HPSE2: variants seen among roughly 807,000 people sequenced by gnomAD.
The protein encoded by HPSE2 is inactive heparanase-2.
In HPSE2, 38 loss-of-function variants were observed where a neutral mutation model predicts 60.5. That is an observed-to-expected ratio of 0.63 (90% CI 0.48 to 0.82). The LOEUF (loss-of-function observed/expected upper bound fraction) is 0.82. Ranked by LOEUF, HPSE2 falls within the 40% of genes least tolerant of loss-of-function variation. The pLI, the probability that HPSE2 is intolerant of heterozygous loss-of-function variation, is 0.00. For synonymous variants in HPSE2, 295 were observed against 293.2 expected, an observed-to-expected ratio of 1.01 and a Z score of -0.06; for missense variants, 713 against 740.4, an observed-to-expected ratio of 0.96 and a Z score of 0.43.
At chr10:99,066,896 C>T (rs2135537392) in intron 3 of HPSE2, among the ~76,000 whole-genome samples, 1 of 152,224 alleles carries the variant, frequency 6.6e-6, no homozygotes, top group South Asian at 2.1e-4. Context: ...AAAGTCTCAA[C>T]TGAGACAAGG....
At chr10:98,761,323 A>G (rs560232854) in intron 3 of HPSE2, among the ~76,000 whole-genome samples, 5 of 152,280 alleles carry the variant, frequency 3.3e-5, no homozygotes, top group Admixed American at 3.3e-4. Flanking sequence ...AGATAACATC[A>G]ACAAAGCAAC....
chr10:99,307,651 T>C, the HPSE2 span, among the ~76,000 whole-genome samples: 1 of 152,200 alleles, frequency 6.6e-6, no homozygotes, highest in Non-Finnish European at 1.5e-5. Flanking sequence ...GGCACCCCCA[T>C]GGCACAGCCA....
chr10:98,551,329 C>T (rs1455792307), intron 9 of HPSE2, among the ~76,000 whole-genome samples: 1 of 152,130 alleles, frequency 6.6e-6, no homozygotes, highest in East Asian at 1.9e-4. Context: ...GGAATGAAGA[C>T]GTGGACTATG....
intron 3 of HPSE2, among the ~76,000 whole-genome samples, chr10:98,748,301 G>A (rs967821223): frequency 1.1e-4 from 17 of 151,994 alleles, no homozygotes; most frequent in African/African-American, 2.9e-4. Context: ...GTGAAAATCC[G>A]TCTCAAAAAA....
intron 3 of HPSE2, among the ~76,000 whole-genome samples, chr10:98,871,205 A>G (rs972127080): frequency 2.0e-5 from 3 of 152,154 alleles, no homozygotes; most frequent in Non-Finnish European, 4.4e-5. Context: ...ATAGATGCTC[A>G]ATAAATGGAT....
At chr10:98,720,568 A>G (rs1948898107) in intron 5 of HPSE2, among the ~76,000 whole-genome samples, 1 of 152,310 alleles carries the variant, frequency 6.6e-6, no homozygotes, top group Admixed American at 6.5e-5. Flanking sequence ...CAACAAATAT[A>G]AAAGCCATAA....
chr10:99,171,542 C>T (rs140396922), intron 2 of HPSE2, among the ~76,000 whole-genome samples: 19 of 152,116 alleles, frequency 1.2e-4, no homozygotes, highest in African/African-American at 3.6e-4. Flanking sequence ...ATCAAGAGGA[C>T]CCTAAAAAAA....
At chr10:98,611,403 G>A (rs1565014081) in intron 9 of HPSE2, among the ~76,000 whole-genome samples, 1 of 152,086 alleles carries the variant, frequency 6.6e-6, no homozygotes. Context: ...ATGGGATATG[G>A]GTTGAAGAGC....
the HPSE2 span, among the ~76,000 whole-genome samples, chr10:99,256,879 C>G: frequency 2.6e-5 from 4 of 152,184 alleles, no homozygotes; most frequent in Non-Finnish European, 5.9e-5. Context: ...TGGTGATACC[C>G]TGTCTGTTGT....
chr10:98,494,757 A>C (rs1346103799), intron 9 of HPSE2, among the ~76,000 whole-genome samples: 1 of 152,198 alleles, frequency 6.6e-6, no homozygotes, highest in African/African-American at 2.4e-5. Flanking sequence ...TCTTTTAAAT[A>C]CATTATTCTC....
At chr10:98,796,024 C>T (rs1029191505) in intron 3 of HPSE2, among the ~76,000 whole-genome samples, 1 of 151,942 alleles carries the variant, frequency 6.6e-6, no homozygotes, top group Admixed American at 6.6e-5. Context: ...ACCAATGATA[C>T]CCAAGTAGTA....
chr10:99,153,962 C>A (rs1846404333), intron 2 of HPSE2, among the ~76,000 whole-genome samples: 1 of 151,918 alleles, frequency 6.6e-6, no homozygotes, highest in Non-Finnish European at 1.5e-5. Flanking sequence ...AATGCAGAAG[C>A]CTCAGGAGCT....
intron 2 of HPSE2, among the ~76,000 whole-genome samples, chr10:99,199,258 T>C (rs986239261): frequency 6.6e-6 from 1 of 152,154 alleles, no homozygotes; most frequent in Non-Finnish European, 1.5e-5. Context: ...CTGTTTTACA[T>C]AGTGGCTGCA....
intron 4 of HPSE2, among the ~76,000 whole-genome samples, chr10:98,730,585 G>A (rs908400927): frequency 6.6e-6 from 1 of 151,496 alleles, no homozygotes; most frequent in Non-Finnish European, 1.5e-5. Context: ...ACTGACCACC[G>A]AAAAAAGAGA....
At chr10:98,520,780 C>T (rs557480137) in intron 9 of HPSE2, among the ~76,000 whole-genome samples, 1 of 152,218 alleles carries the variant, frequency 6.6e-6, no homozygotes, top group Middle Eastern at 3.4e-3. Context: ...GGTACTGGTA[C>T]CAAAACAGAT....
At chr10:98,590,192 CA>C (rs1945050558) in intron 9 of HPSE2, among the ~76,000 whole-genome samples, 1 of 152,220 alleles carries the variant, frequency 6.6e-6, no homozygotes, top group Admixed American at 6.5e-5. Flanking sequence ...CCTGCAATCC[CA>C]GCACTTTGGG....
the HPSE2 span, among the ~76,000 whole-genome samples, chr10:99,279,467 A>T: frequency 1.3e-5 from 2 of 152,352 alleles, no homozygotes; most frequent in Admixed American, 1.3e-4. Flanking sequence ...AGATTCCTAA[A>T]TTGTAAATAA....
rs1944527669 is a variant in HPSE2 at position 98,572,564 on chromosome 10, C to T, written c.1320+42340G>A. Among the ~76,000 whole-genome samples the T allele has an allele frequency of 2.0e-5, 3 of 152,168 alleles. No individual in the cohort carries two copies. In the South Asian group the frequency reaches 6.2e-4, roughly 32 times the overall value. ...CGTGAACTCTTATACCTGTCATTTG[C>T]ATCCTGCAAACTGCATCCTCCCATC... On this transcript the variant is annotated intron_variant, in intron 9 of 11. Coordinates refer to ENST00000370552, the MANE Select transcript of HPSE2 (RefSeq NM_021828.5).
intron 2 of HPSE2, among the ~76,000 whole-genome samples, chr10:99,201,727 T>C (rs1848581292): frequency 1.3e-5 from 2 of 152,154 alleles, no homozygotes; most frequent in South Asian, 4.1e-4. Flanking sequence ...TTCCAAATAC[T>C]CCTGATTATG....
Sources: allele counts gnomAD v4.1 joint callset (sites outside exome capture counted in the v4.1 genomes callset), GRCh38; gene constraint gnomAD v4.1.1; transcripts MANE v1.5; gene names NCBI Gene and HGNC (gene_info 2026-07-23, HGNC 2026-07-21).